IQUB: variants seen among roughly 807,000 people sequenced by gnomAD.
The protein encoded by IQUB is IQ motif and ubiquitin domain containing.
IQUB carries 86 observed loss-of-function variants against 86.4 expected under a neutral mutation model. That is an observed-to-expected ratio of 1.00 (90% CI 0.84 to 1.19). IQUB has a LOEUF of 1.19. Ranked by LOEUF, IQUB falls within the 50% of genes most tolerant of loss-of-function variation. IQUB has a pLI of 0.00. For missense variants in IQUB, 946 were observed against 916.9 expected (o/e 1.03, Z -0.41); for synonymous variants, 289 against 304.5 (o/e 0.95, Z 0.53).
At chr7:123,528,590 G>A (rs1797374389) in intron 1 of IQUB, among the ~76,000 whole-genome samples, 1 of 152,062 alleles carries the variant, frequency 6.6e-6, no homozygotes, top group Admixed American at 6.5e-5. Flanking sequence ...AGTCCATGGG[G>A]GATTGGGAGG....
Position 123,503,060 on chromosome 7 carries a change from GT to G in IQUB, c.750del (p.Lys250AsnfsTer11). The G allele has an allele frequency of 3.1e-6, 5 of 1,613,350 alleles. No homozygotes were observed. The highest frequency in any genetic ancestry group is 3.4e-6 in the Non-Finnish European group (4 of 1,179,612). On this transcript the variant is annotated frameshift_variant, in exon 5 of 13. Coordinates refer to ENST00000324698, the MANE Select transcript of IQUB (RefSeq NM_178827.5). LOFTEE classifies it high-confidence loss of function. ...TTATGTCTGAATCCACCAAGAAATG[GT>G]TTGTGAAAGTCAGATTTGACAATCT... ...PVEIVKSDFH[K>X]PFLGGFRHKV...
chr7:123,526,558 T>C (rs1237748230), intron 1 of IQUB, among the ~76,000 whole-genome samples: 1 of 151,742 alleles, frequency 6.6e-6, no homozygotes, highest in African/African-American at 2.4e-5. Context: ...TTGGTAGATC[T>C]TCCTCCATCC....
chr7:123,511,982 TC>T lies in IQUB; in HGVS notation c.358del (p.Glu120AsnfsTer11). ...ATCTTCCACTGATTCTTGCAAAGATTCCTTTACAGACTTTATTTTATCCAGA... is the reference window on the plus strand; with the variant it reads ...ATCTTCCACTGATTCTTGCAAAGATTCTTTACAGACTTTATTTTATCCAGA... ...AFLDKIKSVK[E>X]SLQESVEDSL... On this transcript the variant is annotated frameshift_variant, in exon 2 of 13. Coordinates refer to ENST00000324698, the MANE Select transcript of IQUB (RefSeq NM_178827.5). LOFTEE classifies it high-confidence loss of function. 1 of 1,610,116 alleles carries T rather than the reference TC, an allele frequency of 6.2e-7. No homozygotes were observed. Among genetic ancestry groups the T allele is most frequent in the Non-Finnish European group, 8.5e-7 (1 of 1,176,890 alleles).
intron 9 of IQUB, among the ~76,000 whole-genome samples, chr7:123,467,979 T>C (rs1794340105): frequency 6.6e-6 from 1 of 152,216 alleles, no homozygotes. Context: ...AAGGCAAGTG[T>C]TTTCTTGCTT....
intron 2 of IQUB, 63 bp downstream of exon 2, chr7:123,511,881 C>G (rs1471835899): frequency 7.8e-7 from 1 of 1,287,384 alleles, no homozygotes; most frequent in Non-Finnish European, 1.1e-6. Context: ...AATAAGCCAA[C>G]AAGAAAACGC....
intron 3 of IQUB, among the ~76,000 whole-genome samples, chr7:123,507,201 A>T (rs781618364): frequency 1.4e-4 from 22 of 152,368 alleles, no homozygotes; most frequent in South Asian, 6.2e-4. Flanking sequence ...CTTTATGATG[A>T]TGCAAAAGCC....
At chr7:123,526,420 T>G (rs1332536927) in intron 1 of IQUB, among the ~76,000 whole-genome samples, 1 of 152,218 alleles carries the variant, frequency 6.6e-6, no homozygotes, top group Non-Finnish European at 1.5e-5. Flanking sequence ...GGTTAGCTCT[T>G]CTTGTTGAAT....
chr7:123,491,471 C>T (rs1433572948), intron 7 of IQUB, among the ~76,000 whole-genome samples: 1 of 151,992 alleles, frequency 6.6e-6, no homozygotes, highest in Non-Finnish European at 1.5e-5. Context: ...AAGAAGGAAA[C>T]ACAAAATTAC....
chr7:123,492,504 G>A (rs755012400), intron 7 of IQUB, among the ~76,000 whole-genome samples: 2 of 152,118 alleles, frequency 1.3e-5, no homozygotes, highest in African/African-American at 2.4e-5. Context: ...TGATTCACAC[G>A]AGAAGAAACT....
intron 7 of IQUB, among the ~76,000 whole-genome samples, chr7:123,494,694 G>A (rs570454434): frequency 1.4e-4 from 21 of 152,178 alleles, no homozygotes; most frequent in African/African-American, 4.6e-4. Context: ...GCTCGCATAT[G>A]TATAGGTCCT....
Position 123,511,970 on chromosome 7 carries a change from T to C in IQUB, c.371A>G (p.Glu124Gly), listed in dbSNP as rs1210998613. 2.5e-6 allele frequency: 4 copies of C among 1,608,110 alleles called. No homozygotes were observed. The East Asian group carries it at 6.7e-5, about 27-fold the overall frequency. Residue 124 changes from glutamate to glycine, a missense_variant, in exon 2 of 13, where the codon GAA (glutamate) becomes GGA (glycine). Glu to Gly is a moderately conservative substitution (Grantham distance 98). Coordinates refer to ENST00000324698, the MANE Select transcript of IQUB (RefSeq NM_178827.5). ...KIKSVKESLQ[E>G]SVEDSLATVK... ...TGTTGCTAGAGAATCTTCCACTGAT[T>C]CTTGCAAAGATTCCTTTACAGACTT... is the stretch of plus-strand genomic sequence containing the variant.
chr7:123,469,656 T>C (rs905887154), intron 8 of IQUB, among the ~76,000 whole-genome samples: 1 of 152,216 alleles, frequency 6.6e-6, no homozygotes, highest in Non-Finnish European at 1.5e-5. Flanking sequence ...GTTGAATTGT[T>C]TGAGAGATGT....
chr7:123,486,934 C>T (rs917374360), intron 7 of IQUB, among the ~76,000 whole-genome samples: 2 of 152,240 alleles, frequency 1.3e-5, no homozygotes, highest in South Asian at 4.2e-4. Flanking sequence ...TGCAGCATCA[C>T]CTTGCCCAAG....
At chr7:123,501,364 A>T (rs146260987) in intron 6 of IQUB, 6 of 152,436 alleles carry the variant, frequency 3.9e-5, no homozygotes, top group African/African-American at 1.2e-4. Flanking sequence ...GAAAGTAAAA[A>T]ATTGTCAGGC....
chr7:123,498,897 A>T (rs1308791427), intron 6 of IQUB, among the ~76,000 whole-genome samples: 1 of 152,170 alleles, frequency 6.6e-6, no homozygotes, highest in African/African-American at 2.4e-5. Context: ...GCTTTATTAC[A>T]ATAGGAGAAG....
intron 12 of IQUB, among the ~76,000 whole-genome samples, chr7:123,456,068 A>C (rs972380857): frequency 1.3e-5 from 2 of 152,146 alleles, no homozygotes; most frequent in Non-Finnish European, 2.9e-5. Context: ...CTGAAAGTTA[A>C]TAGTTAAAAG....
intron 1 of IQUB, among the ~76,000 whole-genome samples, chr7:123,528,597 G>A (rs1183527232): frequency 6.6e-6 from 1 of 152,102 alleles, no homozygotes; most frequent in Non-Finnish European, 1.5e-5. Flanking sequence ...GGGGGATTGG[G>A]AGGAGAACAG....
intron 1 of IQUB, among the ~76,000 whole-genome samples, chr7:123,520,406 T>C (rs2117314774): frequency 6.6e-6 from 1 of 152,184 alleles, no homozygotes; most frequent in Non-Finnish European, 1.5e-5. Flanking sequence ...GCAAAGAAGG[T>C]GGCTAGGAAG....
chr7:123,516,445 C>A lies in IQUB; in HGVS notation c.-4-4101G>T, dbSNP rs555971297. Among the ~76,000 whole-genome samples, 3 of 152,064 alleles carry A rather than the reference C, an allele frequency of 2.0e-5. No individual in the cohort carries two copies. The South Asian group carries it at 6.2e-4, about 32-fold the overall frequency. ...TAATCTGTAAATGTGTTTTATGTGG[C>A]TTTCTGATTTTGTGCTATACTTAAT... On this transcript the variant is annotated intron_variant, in intron 1 of 12. Coordinates refer to ENST00000324698, the MANE Select transcript of IQUB (RefSeq NM_178827.5).
Sources: gnomAD v4.1 joint callset for allele counts (sites outside exome capture counted in the v4.1 genomes callset) on GRCh38, gnomAD v4.1.1 for gene constraint, MANE v1.5 for transcripts, NCBI Gene and HGNC (gene_info 2026-07-23, HGNC 2026-07-21) for gene names.